The following RANBP17 variants were observed in gnomAD, a reference collection of about 807,000 sequenced individuals.
RANBP17 encodes ran-binding protein 17.
RANBP17 carries 158 observed loss-of-function variants against 141.2 expected under a neutral mutation model. That is an observed-to-expected ratio of 1.12 (90% CI 0.98 to 1.28). The LOEUF is 1.28. Among genes scored for constraint, RANBP17 ranks in the 50% most tolerant of loss-of-function variants. The pLI, the probability that RANBP17 is intolerant of heterozygous loss-of-function variation, is 0.00. For missense variants in RANBP17, 1,438 were observed against 1,290.7 expected (o/e 1.11, Z -1.75); for synonymous variants, 430 against 450.0 (o/e 0.96, Z 0.56).
intron 24 of RANBP17, among the ~76,000 whole-genome samples, chr5:171,254,195 CG>C (rs1561803957): frequency 3.4e-5 from 5 of 145,054 alleles, no homozygotes; most frequent in African/African-American, 1.3e-4. Context: ...TGCAGTGAGA[CG>C]AGATCATGTC....
At chr5:171,038,810 C>T (rs1174115839) in intron 14 of RANBP17, among the ~76,000 whole-genome samples, 5 of 152,162 alleles carry the variant, frequency 3.3e-5, no homozygotes, top group African/African-American at 1.2e-4. Context: ...AGGAATGAAG[C>T]TTACTTGTTC....
At chr5:171,245,621 A>AT (rs1765165655) in intron 24 of RANBP17, among the ~76,000 whole-genome samples, 2 of 151,836 alleles carry the variant, frequency 1.3e-5, no homozygotes, top group East Asian at 1.9e-4. Flanking sequence ...GCCAATTTTG[A>AT]TTTTTTTAAT....
chr5:171,018,233 T>C (rs1168626162), intron 14 of RANBP17, among the ~76,000 whole-genome samples: 1 of 152,214 alleles, frequency 6.6e-6, no homozygotes, highest in South Asian at 2.1e-4. Context: ...GTCTTGGCTA[T>C]ATGGGCTCTT....
intron 14 of RANBP17, among the ~76,000 whole-genome samples, chr5:171,078,134 CTTT>C (rs11331471): frequency 8.1e-5 from 10 of 122,788 alleles, no homozygotes; most frequent in Admixed American, 8.2e-5. Context: ...TCTTTTCTTT[CTTT>C]TTTTTTTTTT....
intron 21 of RANBP17, among the ~76,000 whole-genome samples, chr5:171,217,153 C>T (rs1451768736): frequency 1.3e-5 from 2 of 152,156 alleles, no homozygotes; most frequent in East Asian, 1.9e-4. Flanking sequence ...GCCTTTTATG[C>T]GTCTGTTGAG....
chr5:170,987,419 C>A (rs1171386238), intron 14 of RANBP17, among the ~76,000 whole-genome samples: 1 of 151,272 alleles, frequency 6.6e-6, no homozygotes, highest in African/African-American at 2.4e-5. Context: ...GTGGTTAGTG[C>A]TTATATTTCA....
rs562232765 is a variant in RANBP17, at chr5:171,282,005, G to A, written c.2944-11878G>A. Among the ~76,000 whole-genome samples the A allele has an allele frequency of 2.0e-5, 3 of 152,284 alleles. No homozygotes were observed. In the East Asian group the frequency reaches 5.8e-4, roughly 29 times the overall value. The stretch of plus-strand genomic sequence containing the variant: ...CAAATTGACAGAAATCTGGAGGAAA[G>A]AAACTCAAGTGATTTAGGAGAATGG... On this transcript the variant is annotated intron_variant, in intron 25 of 27. Coordinates refer to ENST00000523189, the MANE Select transcript of RANBP17 (RefSeq NM_022897.5).
At chr5:171,085,286 T>G (rs1785567176) in intron 14 of RANBP17, among the ~76,000 whole-genome samples, 1 of 143,260 alleles carries the variant, frequency 7.0e-6, no homozygotes, top group South Asian at 2.5e-4. Context: ...TATGCAGCGT[T>G]ATTTCTGAGG....
intron 18 of RANBP17, among the ~76,000 whole-genome samples, chr5:171,190,016 G>T (rs1317150158): frequency 6.6e-6 from 1 of 151,980 alleles, no homozygotes; most frequent in Non-Finnish European, 1.5e-5. Context: ...ACTGATTTTG[G>T]AGAGTGGGAG....
At chr5:170,865,186 C>T (rs1767140887) in intron 1 of RANBP17, among the ~76,000 whole-genome samples, 1 of 152,048 alleles carries the variant, frequency 6.6e-6, no homozygotes, top group African/African-American at 2.4e-5. Context: ...CCTCAGCCTC[C>T]TGGGTAGCTG....
At chr5:171,277,637 G>GTGTATATATATATATATATATA (rs1437482589) in intron 25 of RANBP17, among the ~76,000 whole-genome samples, 2,397 of 56,684 alleles carry the variant, frequency 0.042, 594 homozygotes, top group East Asian at 0.087. Flanking sequence ...ATATATGTAT[G>GTGTATATATATATATATATATA]TATATATATA....
At chr5:171,283,161 C>G (rs1254365959) in intron 25 of RANBP17, among the ~76,000 whole-genome samples, 1 of 152,176 alleles carries the variant, frequency 6.6e-6, no homozygotes, top group Non-Finnish European at 1.5e-5. Context: ...GCAGGGTTAG[C>G]CTCCTCTGGT....
intron 24 of RANBP17, among the ~76,000 whole-genome samples, chr5:171,243,217 T>C (rs554058607): frequency 2.0e-5 from 3 of 152,208 alleles, no homozygotes; most frequent in Non-Finnish European, 4.4e-5. Context: ...CCCAGGAAAC[T>C]AATGCTTTCT....
intron 14 of RANBP17, among the ~76,000 whole-genome samples, chr5:171,159,705 A>T (rs1360165576): frequency 6.6e-6 from 1 of 152,036 alleles, no homozygotes; most frequent in Admixed American, 6.5e-5. Context: ...GTGGATCACG[A>T]GGTCAGGAGA....
intron 1 of RANBP17, among the ~76,000 whole-genome samples, chr5:170,871,106 T>C (rs1475594823): frequency 4.6e-5 from 7 of 152,200 alleles, no homozygotes. Context: ...TGGAGTGCAA[T>C]GGCACAATCT....
chr5:171,132,398 T>C (rs548048654), intron 14 of RANBP17, among the ~76,000 whole-genome samples: 24 of 151,512 alleles, frequency 1.6e-4, no homozygotes, highest in Non-Finnish European at 2.4e-4. Context: ...TTTAATTGTC[T>C]GCAGGGACAA....
intron 18 of RANBP17, among the ~76,000 whole-genome samples, chr5:171,197,441 G>A (rs141893783): frequency 2.6e-5 from 4 of 152,142 alleles, no homozygotes; most frequent in African/African-American, 9.6e-5. Flanking sequence ...ATATCCAAAG[G>A]TAAATAATAT....
At chr5:171,047,519 C>G (rs1281636577) in intron 14 of RANBP17, among the ~76,000 whole-genome samples, 1 of 151,316 alleles carries the variant, frequency 6.6e-6, no homozygotes, top group African/African-American at 2.4e-5. Flanking sequence ...TCACTGCAAC[C>G]TCCCTCCACC....
chr5:170,928,285 C>T (rs1447706593), intron 12 of RANBP17, among the ~76,000 whole-genome samples: 1 of 152,058 alleles, frequency 6.6e-6, no homozygotes, highest in East Asian at 1.9e-4. Flanking sequence ...ATATGTTTTA[C>T]AAATATTTCC....
Sources: allele counts gnomAD v4.1 joint callset (sites outside exome capture counted in the v4.1 genomes callset), GRCh38; gene constraint gnomAD v4.1.1; transcripts MANE v1.5; gene names NCBI Gene and HGNC (gene_info 2026-07-23, HGNC 2026-07-21).